Variants in NAB1 observed in about 807,000 individuals in gnomAD.
NAB1 encodes the protein NGFI-A-binding protein 1.
Under a neutral mutation model 49.9 loss-of-function variants are expected in NAB1, and 25 were observed. The observed-to-expected ratio is 0.50, with a 90% CI of 0.37 to 0.70. NAB1 has a LOEUF of 0.70. NAB1 is among the 30% of genes least tolerant of loss of function. The pLI is 0.00. For missense variants in NAB1, 489 were observed against 575.9 expected (o/e 0.85, Z 1.54); for synonymous variants, 198 against 215.6 (o/e 0.92, Z 0.71).
intron 3 of NAB1, among the ~76,000 whole-genome samples, chr2:190,656,728 A>C (rs1693940868): frequency 6.6e-6 from 1 of 152,198 alleles, no homozygotes; most frequent in Non-Finnish European, 1.5e-5. Context: ...ATCTCAGAAG[A>C]ATAAAATATA....
chr2:190,692,082 TTG>T lies in NAB1; in HGVS notation c.*1752_*1753del, dbSNP rs1559261339. The T allele has an allele frequency of 6.6e-6, 1 of 152,114 alleles. No individual in the cohort carries two copies. The highest frequency in any genetic ancestry group is 1.5e-5 in the Non-Finnish European group (1 of 67,976). The allele number at this position is 152,114 out of a possible 1,614,324, so 9.4% of individuals were successfully genotyped here. A position where few individuals can be genotyped will look rare whatever the true frequency, so the allele number is the denominator to read the frequency against. On this transcript the variant is annotated 3_prime_UTR_variant, in exon 10 of 10. Coordinates refer to ENST00000337386, the MANE Select transcript of NAB1 (RefSeq NM_005966.4). The surrounding 1 kb of genome is among the most constrained non-coding windows in gnomAD (Gnocchi z 5.2). ...TTTGTTGCTAGCTTGAGGTTGATTA[TTG>T]TGGTTGTATTGTTCACTGTGTGTAG...
chr2:190,671,667 C>T (rs574243090), intron 5 of NAB1, among the ~76,000 whole-genome samples: 10 of 151,800 alleles, frequency 6.6e-5, no homozygotes, highest in South Asian at 2.1e-4. Context: ...TGAAACTCAA[C>T]GGTTCCTGTG....
rs1226887659 is a variant in NAB1 at position 190,659,297 on chromosome 2, C to G, written c.121C>G (p.Leu41Val). 6.2e-7 allele frequency: 1 copy of G among 1,614,048 alleles called. No homozygotes were observed. Among genetic ancestry groups the G allele is most frequent in the Non-Finnish European group, 8.5e-7 (1 of 1,180,048 alleles). The change falls in exon 4 of 10, where the codon CTC (leucine) becomes GTC (valine). Residue 41 changes from leucine to valine, a missense_variant. Physicochemically the swap from Leu to Val is conservative, Grantham distance 32. Transcript: ENST00000337386. This position sits in a 1 kb window ranked among gnomAD's most constrained non-coding sequence, Gnocchi z 6.2. ...ACAAGGTGGTGATGATGTCCAGCAA[C>G]TCTGTGAAGCAGGAGAAGAGGAGTT... ...IQQGGDDVQQ[L>V]CEAGEEEFLE...
rs1364056467 is a variant in NAB1, at chr2:190,685,413, T to G, written c.1096-63T>G. The G allele has an allele frequency of 6.8e-7, 1 of 1,461,926 alleles. No homozygotes were observed. Among genetic ancestry groups the G allele is most frequent in the African/African-American group, 1.4e-5 (1 of 70,812 alleles). 90.6% of individuals were successfully genotyped at this position (1,461,926 alleles called of 1,614,324 possible). A position where few individuals can be genotyped will look rare whatever the true frequency, so the allele number is the denominator to read the frequency against. On this transcript the variant is annotated intron_variant, in intron 7 of 9. Coordinates refer to ENST00000337386, the MANE Select transcript of NAB1 (RefSeq NM_005966.4). The surrounding 1 kb of genome is among the most constrained non-coding windows in gnomAD (Gnocchi z 4.5). ...TTTGCTGGAGTCTGAAATTGGCATC[T>G]TTAAACCATTAAAAAATCTAGAATG...
In NAB1 at chr2:190,679,007, C is replaced by T. The variant is rs899448266; in HGVS notation, c.1006-4731C>T. 2.0e-5 allele frequency among the ~76,000 whole-genome samples: 3 copies of T among 152,188 alleles called. No individual in the cohort carries two copies. The highest frequency in any genetic ancestry group is 4.4e-5 in the Non-Finnish European group (3 of 68,034). On this transcript the variant is annotated intron_variant, in intron 6 of 9. Transcript: ENST00000337386. This position sits in a 1 kb window ranked among gnomAD's most constrained non-coding sequence, Gnocchi z 5.3. Reference sequence around the variant, plus strand: ...ATGGGATGAGAGTAATTAGGTCATGCACCAGCCTCCGTCCCATAGCTTTTA... The same window carrying T: ...ATGGGATGAGAGTAATTAGGTCATGTACCAGCCTCCGTCCCATAGCTTTTA...
rs574502156 is a variant in NAB1, at chr2:190,679,152, G to A, written c.1006-4586G>A. Among the ~76,000 whole-genome samples the A allele has an allele frequency of 1.3e-5, 2 of 152,344 alleles. No individual in the cohort carries two copies. The highest frequency in any genetic ancestry group is 4.1e-4 in the South Asian group (2 of 4,828). Reference sequence around the variant, plus strand: ...AGTATGGTGCAGCTAGCTGGTGCCTGGGAAACAAGCTTACGAGACATAACG... The same window carrying A: ...AGTATGGTGCAGCTAGCTGGTGCCTAGGAAACAAGCTTACGAGACATAACG... On this transcript the variant is annotated intron_variant, in intron 6 of 9. Coordinates refer to ENST00000337386, the MANE Select transcript of NAB1 (RefSeq NM_005966.4). The surrounding 1 kb of genome is among the most constrained non-coding windows in gnomAD (Gnocchi z 5.3).
At chr2:190,671,769 C>CTTT (rs1177937369) in intron 5 of NAB1, among the ~76,000 whole-genome samples, 3,276 of 71,810 alleles carry the variant, frequency 0.046, 247 homozygotes, top group East Asian at 0.07. Context: ...TTCACCTTTC[C>CTTT]TTTTTTTTTT....
intron 6 of NAB1, among the ~76,000 whole-genome samples, chr2:190,681,590 A>G (rs899255134): frequency 6.6e-6 from 1 of 152,248 alleles, no homozygotes; most frequent in African/African-American, 2.4e-5. Flanking sequence ...GGCTATTTTC[A>G]ACACTTCAAA....
In NAB1 at chr2:190,684,245, A is replaced by C. The variant is rs1695498448; in HGVS notation, c.1095+418A>C. On this transcript the variant is annotated intron_variant, in intron 7 of 9. Transcript: ENST00000337386. This position sits in a 1 kb window ranked among gnomAD's most constrained non-coding sequence, Gnocchi z 4.6. ...ATCTTTTAAATTCATATTTATTGAA[A>C]AACTATTAAATGAATATGTGGCTTC... 6.6e-6 allele frequency among the ~76,000 whole-genome samples: 1 copy of C among 152,232 alleles called. No homozygotes were observed. The highest frequency in any genetic ancestry group is 1.5e-5 in the Non-Finnish European group (1 of 68,038).
chr2:190,688,635 A>G (rs1695742418), intron 9 of NAB1, among the ~76,000 whole-genome samples: 1 of 152,218 alleles, frequency 6.6e-6, no homozygotes, highest in Non-Finnish European at 1.5e-5. Flanking sequence ...AATTACATTG[A>G]TCATGTGTCT....
chr2:190,658,940 A>T, intron 3 of NAB1: 1 of 404,610 alleles, frequency 2.5e-6, no homozygotes, highest in East Asian at 3.8e-5. Context: ...CTTACCATTT[A>T]TTCTCTTTTG....
rs541707185 is a variant in NAB1, at chr2:190,680,595, G to T, written c.1006-3143G>T. Among the ~76,000 whole-genome samples, 1 of 152,342 alleles carries T rather than the reference G, an allele frequency of 6.6e-6. No individual in the cohort carries two copies. Among genetic ancestry groups the T allele is most frequent in the South Asian group, 2.1e-4 (1 of 4,832 alleles). On this transcript the variant is annotated intron_variant, in intron 6 of 9. Transcript: ENST00000337386. The surrounding 1 kb of genome is among the most constrained non-coding windows in gnomAD (Gnocchi z 5.2). ...CATATTGAGTACAGTGTATGAATCA[G>T]CTGGGTGGATGCGACATTTTTGTTG...
rs1694551525 is a variant in NAB1, at chr2:190,666,929, T to C, written c.820-3397T>C. Among the ~76,000 whole-genome samples the C allele has an allele frequency of 6.6e-6, 1 of 152,184 alleles. No individual in the cohort carries two copies. Among genetic ancestry groups the C allele is most frequent in the Non-Finnish European group, 1.5e-5 (1 of 68,028 alleles). ...ATATTTTCCCAACTGCTTGGGAATA[T>C]TTTCATTTTTCTTTTGTAATTATAT... On this transcript the variant is annotated intron_variant, in intron 4 of 9. Coordinates refer to ENST00000337386, the MANE Select transcript of NAB1 (RefSeq NM_005966.4). The surrounding 1 kb of genome is among the most constrained non-coding windows in gnomAD (Gnocchi z 5.6).
rs184539846 is a variant in NAB1, at chr2:190,667,543, G to T, written c.820-2783G>T. 4.6e-5 allele frequency among the ~76,000 whole-genome samples: 7 copies of T among 152,240 alleles called. No homozygotes were observed. The East Asian group carries it at 1.4e-3, about 29-fold the overall frequency. On this transcript the variant is annotated intron_variant, in intron 4 of 9. Transcript: ENST00000337386. This position sits in a 1 kb window ranked among gnomAD's most constrained non-coding sequence, Gnocchi z 4.4. ...CACTTAGGGGAGGAATTTATCTATT[G>T]ATGACTCTTTAGGAGGAGTGGAGAA...
At chr2:190,688,068 G>C (rs1695707303) in intron 9 of NAB1, among the ~76,000 whole-genome samples, 1 of 152,184 alleles carries the variant, frequency 6.6e-6, no homozygotes. Flanking sequence ...GTTAGACCTA[G>C]TTAAAGCATT....
Position 190,682,733 on chromosome 2 carries a change from CA to C in NAB1, c.1006-1004del, listed in dbSNP as rs1217094575. On this transcript the variant is annotated intron_variant, in intron 6 of 9. Transcript: ENST00000337386. This position sits in a 1 kb window ranked among gnomAD's most constrained non-coding sequence, Gnocchi z 4.1. ...GTACAACTATAGCATATAAAACAGG[CA>C]TATAAAAATTAAATGATTTTTGAGT... Among the ~76,000 whole-genome samples, 1 of 151,980 alleles carries C rather than the reference CA, an allele frequency of 6.6e-6. No homozygotes were observed. Among genetic ancestry groups the C allele is most frequent in the Non-Finnish European group, 1.5e-5 (1 of 67,996 alleles).
In NAB1 at chr2:190,685,497, A is replaced by G; in HGVS notation, c.1117A>G (p.Lys373Glu). The change falls in exon 8 of 10, where the codon AAG becomes GAG. Residue 373 changes from lysine (K) to glutamate (E), a missense_variant. By Grantham distance (56) the Lys-to-Glu change is moderately conservative. This residue lies in a region of NAB1 where 212 missense variants were observed against 199.3 expected (regional missense o/e 1.06). Transcript: ENST00000337386. This position sits in a 1 kb window ranked among gnomAD's most constrained non-coding sequence, Gnocchi z 4.5. ...SSQQPEKVMA[K>E]QMEFLCNQAG... ...CTAGCAGCCTGAAAAGGTGATGGCAAAGCAGATGGAGTTCCTTTGCAACCA... is the reference window on the plus strand; with the variant it reads ...CTAGCAGCCTGAAAAGGTGATGGCAGAGCAGATGGAGTTCCTTTGCAACCA... 1 of 1,611,686 alleles carries G rather than the reference A, an allele frequency of 6.2e-7. No individual in the cohort carries two copies. The highest frequency in any genetic ancestry group is 1.1e-5 in the South Asian group (1 of 90,580).
At chr2:190,656,505 G>A (rs1443990904) in intron 3 of NAB1, among the ~76,000 whole-genome samples, 1 of 152,168 alleles carries the variant, frequency 6.6e-6, no homozygotes, top group Non-Finnish European at 1.5e-5. Context: ...TCCAGGGACC[G>A]AATTGGTTAC....
intron 6 of NAB1, among the ~76,000 whole-genome samples, chr2:190,681,255 T>C (rs1695326726): frequency 6.6e-6 from 1 of 152,138 alleles, no homozygotes; most frequent in South Asian, 2.1e-4. Flanking sequence ...ATAATGAACA[T>C]AAAATATAGA....
Sources: allele counts gnomAD v4.1 joint callset (sites outside exome capture counted in the v4.1 genomes callset), GRCh38; gene constraint gnomAD v4.1.1; regional missense constraint gnomAD v4.1.1; non-coding constraint Gnocchi (gnomAD v3.1); transcripts MANE v1.5; gene names NCBI Gene and HGNC (gene_info 2026-07-23, HGNC 2026-07-21).